Variants in DCC observed in about 807,000 individuals in gnomAD.
The protein encoded by DCC is netrin receptor DCC.
A neutral mutation model predicts 172.5 loss-of-function variants in DCC; 58 were observed. The ratio of observed to expected loss-of-function variants is 0.34; its 90% CI spans 0.27 to 0.42. The LOEUF (loss-of-function observed/expected upper bound fraction) is 0.42, where lower values mean the gene tolerates loss of function less well. DCC is among the 10% of genes least tolerant of loss of function. DCC has a pLI of 1.00. For synonymous variants in DCC, 709 were observed against 644.5 expected, an observed-to-expected ratio of 1.10 and a Z score of -1.52; for missense variants, 1,740 against 1,791.0, an observed-to-expected ratio of 0.97 and a Z score of 0.51.
intron 2 of DCC, among the ~76,000 whole-genome samples, chr18:52,849,196 C>T (rs534230549): frequency 1.4e-3 from 218 of 152,128 alleles, no homozygotes; most frequent in Non-Finnish European, 2.7e-3. Context: ...TTCTAATTCC[C>T]AGAATTAGTA....
chr18:53,506,836 T>TGAC (rs1258271147), intron 27 of DCC, among the ~76,000 whole-genome samples: 1 of 141,022 alleles, frequency 7.1e-6, no homozygotes, highest in African/African-American at 2.7e-5. Context: ...CCAGTCTGGG[T>TGAC]GACAGAGCAA....
At chr18:53,102,596 T>G (rs535346270) in intron 7 of DCC, among the ~76,000 whole-genome samples, 1 of 152,222 alleles carries the variant, frequency 6.6e-6, no homozygotes, top group East Asian at 1.9e-4. Context: ...TTAGCTGATT[T>G]TTGAAGTTAA....
At chr18:52,368,570 A>G (rs1293159924) in intron 1 of DCC, among the ~76,000 whole-genome samples, 1 of 152,164 alleles carries the variant, frequency 6.6e-6, no homozygotes, top group African/African-American at 2.4e-5. Context: ...CTACATTATC[A>G]AGTCAGAGTT....
chr18:52,585,560 G>T lies in DCC; in HGVS notation c.92-166494G>T, dbSNP rs376783138. 2.3e-4 allele frequency among the ~76,000 whole-genome samples: 35 copies of T among 152,308 alleles called. 1 individual carries two copies. Among genetic ancestry groups the T allele is most frequent in the Non-Finnish European group, 3.8e-4 (26 of 68,028 alleles). On this transcript the variant is annotated intron_variant, in intron 1 of 28. Transcript: ENST00000442544. ...TTAGATTGGTTTCCAGTCAGGAAAA[G>T]GTTGACCAAAGGTAAGCCCCTGATG... is the stretch of plus-strand genomic sequence containing the variant.
chr18:52,530,369 A>T (rs975959857), intron 1 of DCC, among the ~76,000 whole-genome samples: 1 of 152,188 alleles, frequency 6.6e-6, no homozygotes, highest in African/African-American at 2.4e-5. Flanking sequence ...GGAAAAAAAC[A>T]TGAGCTTTTG....
chr18:53,443,627 C>T (rs1912414784), intron 22 of DCC, among the ~76,000 whole-genome samples: 1 of 152,112 alleles, frequency 6.6e-6, no homozygotes, highest in Non-Finnish European at 1.5e-5. Context: ...ATATGTCTTC[C>T]AGCTGCCATA....
chr18:52,806,101 A>G (rs2038078678), intron 2 of DCC, among the ~76,000 whole-genome samples: 1 of 152,192 alleles, frequency 6.6e-6, no homozygotes, highest in Admixed American at 6.5e-5. Context: ...ATTAGATAAT[A>G]CCGGCTTGAA....
chr18:53,010,506 C>G (rs1467186624), intron 5 of DCC, among the ~76,000 whole-genome samples: 1 of 151,358 alleles, frequency 6.6e-6, no homozygotes, highest in East Asian at 1.9e-4. Flanking sequence ...TAACAACGTT[C>G]AAAGTAGAAT....
chr18:52,565,623 G>C (rs1756608577), intron 1 of DCC, among the ~76,000 whole-genome samples: 1 of 152,042 alleles, frequency 6.6e-6, no homozygotes, highest in East Asian at 1.9e-4. Context: ...ATGTTTGTTG[G>C]CTGCAAAAAT....
chr18:53,496,290 C>T (rs1437635283), intron 26 of DCC, among the ~76,000 whole-genome samples: 1 of 152,160 alleles, frequency 6.6e-6, no homozygotes, highest in African/African-American at 2.4e-5. Flanking sequence ...GCAGCCTCCA[C>T]TGGTGATACC....
chr18:53,128,870 C>CACACACACACAT (rs1300738812), intron 7 of DCC, among the ~76,000 whole-genome samples: 1 of 77,482 alleles, frequency 1.3e-5, no homozygotes, highest in African/African-American at 6.3e-5. Context: ...CACACACACA[C>CACACACACACAT]ATATATATAT....
At chr18:52,683,244 ACTT>A (rs1333356921) in intron 1 of DCC, among the ~76,000 whole-genome samples, 2 of 152,012 alleles carry the variant, frequency 1.3e-5, no homozygotes, top group African/African-American at 4.8e-5. Flanking sequence ...AGGTTTTTCT[ACTT>A]CTTAAGGCTT....
chr18:52,929,789 C>T lies in DCC; in HGVS notation c.985+4419C>T, dbSNP rs144978183. On this transcript the variant is annotated intron_variant, in intron 5 of 28. Coordinates refer to ENST00000442544, the MANE Select transcript of DCC (RefSeq NM_005215.4). ...AAAATATTGAGATTATGCTAACATA[C>T]ACATAATCCAAAGACCTGGACTTTG... is the stretch of plus-strand genomic sequence containing the variant. Among the ~76,000 whole-genome samples the T allele has an allele frequency of 1.0e-3, 157 of 150,738 alleles. 4 individuals are homozygous for T. In the East Asian group the frequency reaches 0.024, roughly 23 times the overall value.
At chr18:52,391,283 C>A (rs1046753049) in intron 1 of DCC, among the ~76,000 whole-genome samples, 2 of 151,912 alleles carry the variant, frequency 1.3e-5, no homozygotes, top group Non-Finnish European at 2.9e-5. Context: ...TTAGAAGGAC[C>A]CTCAAATGTT....
At chr18:53,010,473 A>C (rs990371340) in intron 5 of DCC, among the ~76,000 whole-genome samples, 2 of 151,746 alleles carry the variant, frequency 1.3e-5, no homozygotes, top group African/African-American at 4.8e-5. Context: ...ACTATTAAAT[A>C]GAATTACTCT....
chr18:53,500,067 T>C (rs961777766), intron 27 of DCC, among the ~76,000 whole-genome samples: 1 of 152,218 alleles, frequency 6.6e-6, no homozygotes, highest in Non-Finnish European at 1.5e-5. Context: ...TTTAGATTGA[T>C]AGAAAGTAAA....
intron 2 of DCC, among the ~76,000 whole-genome samples, chr18:52,863,351 G>C (rs1230879361): frequency 6.6e-6 from 1 of 151,740 alleles, no homozygotes; most frequent in Non-Finnish European, 1.5e-5. Context: ...TAGGAAATAA[G>C]TAATTTTAAC....
chr18:53,025,567 C>A (rs2041944020), intron 5 of DCC, among the ~76,000 whole-genome samples: 1 of 152,020 alleles, frequency 6.6e-6, no homozygotes, highest in Non-Finnish European at 1.5e-5. Context: ...AATGCCAATC[C>A]TTATTATAGC....
intron 2 of DCC, among the ~76,000 whole-genome samples, chr18:52,849,912 A>G (rs2038949307): frequency 6.6e-6 from 1 of 152,186 alleles, no homozygotes; most frequent in Non-Finnish European, 1.5e-5. Context: ...ATCCAAGCCC[A>G]GAAATAATGT....
Sources: allele counts gnomAD v4.1 joint callset (sites outside exome capture counted in the v4.1 genomes callset), GRCh38; gene constraint gnomAD v4.1.1; transcripts MANE v1.5; gene names NCBI Gene and HGNC (gene_info 2026-07-23, HGNC 2026-07-21).